The following ATAD2 variants were observed in gnomAD, a reference collection of about 807,000 sequenced individuals.
ATAD2 encodes ATPase family AAA domain containing 2, also known as ATPase family AAA domain-containing protein 2.
In ATAD2, 62 loss-of-function variants were observed where a neutral mutation model predicts 168.9. The ratio of observed to expected loss-of-function variants is 0.37; its 90% CI spans 0.30 to 0.45. The LOEUF is 0.45. Among genes scored for constraint, ATAD2 ranks in the 20% least tolerant of loss-of-function variants. ATAD2 has a pLI of 1.00. For missense variants in ATAD2, 1,419 were observed against 1,667.8 expected (o/e 0.85, Z 2.60); for synonymous variants, 613 against 571.6 (o/e 1.07, Z -1.03).
intron 1 of ATAD2, among the ~76,000 whole-genome samples, chr8:123,381,498 C>CACAAAACAAAACAAAACAAAACAAA (rs374417395): frequency 0.014 from 2,073 of 151,256 alleles, 61 homozygotes; most frequent in African/African-American, 0.048. Flanking sequence ...GAGACCCTGC[C>CACAAAACAAAACAAAACAAAACAAA]ACAAAACAAA....
At chr8:123,334,829 G>A (rs759886713) in intron 22 of ATAD2, among the ~76,000 whole-genome samples, 9 of 152,148 alleles carry the variant, frequency 5.9e-5, no homozygotes, top group Non-Finnish European at 1.0e-4. Context: ...GGCAGAAGAC[G>A]GAATAAGTGA....
At position 123,369,945 on chromosome 8, in the gene ATAD2, G is replaced by A. The variant is rs113160199; in HGVS notation, c.807C>T (p.Asp269=). Residue 269 remains aspartate, a synonymous_variant, in exon 7 of 28, where the codon GAC becomes GAT. Coordinates refer to ENST00000287394, the MANE Select transcript of ATAD2 (RefSeq NM_014109.4). ...CATCATCATCATCATCATCATCATC[G>A]TCATCATCATCATCATCTTCATCAT... ...DEDDEDDDDD[D]DDDDDDDDED... 6.8e-4 allele frequency: 1,015 copies of A among 1,497,494 alleles called. 4 individuals are homozygous for A. In the African/African-American group the frequency reaches 0.012, roughly 18 times the overall value. The allele number at this position is 1,497,494 out of a possible 1,614,324, so 92.8% of individuals were successfully genotyped here.
rs996225788 is a variant in ATAD2 at position 123,337,539 on chromosome 8, G to A, written c.3051+86C>T. The A allele has an allele frequency of 6.2e-6, 8 of 1,286,626 alleles. No individual in the cohort carries two copies. The Admixed American group carries it at 1.7e-4, about 28-fold the overall frequency. 79.7% of individuals were successfully genotyped at this position (1,286,626 alleles called of 1,614,324 possible). On this transcript the variant is annotated intron_variant, in intron 21 of 27. Coordinates refer to ENST00000287394, the MANE Select transcript of ATAD2 (RefSeq NM_014109.4). The stretch of plus-strand genomic sequence containing the variant: ...TAGATAAAACTAGTTAAGAGTGTAG[G>A]CAGAACCACATAAACTCTTCAAATA...
intron 1 of ATAD2, among the ~76,000 whole-genome samples, chr8:123,405,508 C>A (rs1244189788): frequency 6.6e-6 from 1 of 152,072 alleles, no homozygotes; most frequent in Non-Finnish European, 1.5e-5. Context: ...AGATGATCTG[C>A]CCACCTCGGC....
chr8:123,348,048 T>C (rs1828310920), intron 15 of ATAD2, 135 bp downstream of exon 15: 8 of 726,674 alleles, frequency 1.1e-5, no homozygotes, highest in Non-Finnish European at 1.9e-5. Flanking sequence ...ATTAGTCTGG[T>C]GCAAAAGAAA....
At chr8:123,337,300 T>C (rs748156613) in intron 21 of ATAD2, among the ~76,000 whole-genome samples, 5 of 151,654 alleles carry the variant, frequency 3.3e-5, no homozygotes, top group Admixed American at 2.0e-4. Flanking sequence ...GAGGTGGAGG[T>C]TGCAATGAGC....
At chr8:123,359,755 AAT>A in intron 9 of ATAD2, 70 bp from the exon 10 acceptor site, 1 of 1,032,886 alleles carries the variant, frequency 9.7e-7, no homozygotes. Context: ...TCCATGTTTG[AAT>A]ATAAACATTT....
chr8:123,321,474 C>T (rs538881290), intron 27 of ATAD2, among the ~76,000 whole-genome samples: 17 of 150,804 alleles, frequency 1.1e-4, no homozygotes, highest in African/African-American at 3.4e-4. Flanking sequence ...TTGTAGGTAT[C>T]AATATTATAT....
chr8:123,396,716 TAGCCCG>T (rs1812862001), upstream of ATAD2, among the ~76,000 whole-genome samples: 2 of 152,042 alleles, frequency 1.3e-5, no homozygotes, highest in African/African-American at 2.4e-5. Flanking sequence ...GAGCGGTGCG[TAGCCCG>T]TTTGGAATTT....
At chr8:123,340,658 A>T (rs1828035099) in intron 19 of ATAD2, among the ~76,000 whole-genome samples, 2 of 152,368 alleles carry the variant, frequency 1.3e-5, no homozygotes, top group South Asian at 4.1e-4. Context: ...TGGACACAAG[A>T]TACAACATGG....
chr8:123,370,866 T>G, intron 6 of ATAD2, 37 bp downstream of exon 6: 1 of 1,488,418 alleles, frequency 6.7e-7, no homozygotes. Flanking sequence ...AGTTCTTAAA[T>G]TCAATCCCAG....
intron 2 of ATAD2, among the ~76,000 whole-genome samples, chr8:123,375,269 G>A (rs1829271743): frequency 6.6e-6 from 1 of 152,026 alleles, no homozygotes; most frequent in African/African-American, 2.4e-5. Context: ...TGGCCAATAA[G>A]CACATAAAAT....
chr8:123,416,258 C>T (rs1219384029), exon 1 of ATAD2: 1 of 152,792 alleles, frequency 6.5e-6, no homozygotes, highest in Non-Finnish European at 1.5e-5. Context: ...CTGGCTTCTC[C>T]ACAGCGCAGA....
intron 26 of ATAD2, 32 bp from the exon 27 acceptor site, chr8:123,323,098 A>T: frequency 6.3e-7 from 1 of 1,584,832 alleles, no homozygotes; most frequent in Middle Eastern, 2.0e-4. Context: ...AATATGTGTG[A>T]GAGAGAAACT....
Position 123,381,671 on chromosome 8 carries a change from A to G in ATAD2, c.172-994T>C, listed in dbSNP as rs572243597. Among the ~76,000 whole-genome samples the G allele has an allele frequency of 2.0e-5, 3 of 152,278 alleles. No individual in the cohort carries two copies. The East Asian group carries it at 5.8e-4, about 29-fold the overall frequency. On this transcript the variant is annotated intron_variant, in intron 1 of 27. Coordinates refer to ENST00000287394, the MANE Select transcript of ATAD2 (RefSeq NM_014109.4). Reference sequence around the variant, plus strand: ...TCATAAAGTATTCCAAAGTTCATACACCGCTCTGAGATCATATAGAGTATT... The same window carrying G: ...TCATAAAGTATTCCAAAGTTCATACGCCGCTCTGAGATCATATAGAGTATT...
At chr8:123,321,987 C>CTTTTTTTTTTTTTTTTT (rs869048943) in intron 27 of ATAD2, among the ~76,000 whole-genome samples, 9 of 136,470 alleles carry the variant, frequency 6.6e-5, no homozygotes, top group African/African-American at 2.6e-4. Flanking sequence ...GTACATAAGT[C>CTTTTTTTTTTTTTTTTT]TTTTTTTTTT....
At chr8:123,374,768 G>C (rs930586220) in intron 2 of ATAD2, among the ~76,000 whole-genome samples, 4 of 152,222 alleles carry the variant, frequency 2.6e-5, no homozygotes. Context: ...GCTGGAGTTT[G>C]TCAACCGCTG....
chr8:123,397,177 G>A (rs377642632), upstream of ATAD2, among the ~76,000 whole-genome samples: 15 of 141,730 alleles, frequency 1.1e-4, no homozygotes, highest in East Asian at 1.6e-3. Flanking sequence ...GGAGGCACAG[G>A]TTGCAGTGAG....
chr8:123,332,787 C>T (rs746437080), intron 24 of ATAD2, among the ~76,000 whole-genome samples: 11 of 152,114 alleles, frequency 7.2e-5, no homozygotes, highest in Middle Eastern at 3.4e-3. Context: ...TTGGTGGACA[C>T]AAAATATGTA....
Sources: allele counts gnomAD v4.1 joint callset (sites outside exome capture counted in the v4.1 genomes callset), GRCh38; gene constraint gnomAD v4.1.1; transcripts MANE v1.5; gene names NCBI Gene and HGNC (gene_info 2026-07-23, HGNC 2026-07-21).